SUPT3H: variants seen among roughly 807,000 people sequenced by gnomAD.
SUPT3H encodes the protein transcription initiation protein SPT3 homolog.
A neutral mutation model predicts 44.3 loss-of-function variants in SUPT3H; 44 were observed. The observed-to-expected ratio is 0.99, with a 90% CI of 0.78 to 1.28. The LOEUF is 1.28. SUPT3H is among the 50% of genes most tolerant of loss of function. The pLI is 0.00. For synonymous variants in SUPT3H, 124 were observed against 125.6 expected, an observed-to-expected ratio of 0.99 and a Z score of 0.09; for missense variants, 380 against 387.1, an observed-to-expected ratio of 0.98 and a Z score of 0.15.
intron 2 of SUPT3H, among the ~76,000 whole-genome samples, chr6:45,290,807 T>G (rs1780192874): frequency 6.6e-6 from 1 of 152,118 alleles, no homozygotes; most frequent in Non-Finnish European, 1.5e-5. Context: ...CAGTATTGTA[T>G]CACATAAGCC....
At position 45,046,358 on chromosome 6, in the gene SUPT3H, T is replaced by C. The variant is rs957626448; in HGVS notation, c.187-25726A>G. On this transcript the variant is annotated intron_variant, in intron 3 of 10. Transcript: ENST00000371459. ...TTTGTTTGTTTGTTTTGAGATGGAG[T>C]CTTACTCTGCTGCCCAGGCTGGAGT... Among the ~76,000 whole-genome samples the C allele has an allele frequency of 3.3e-5, 5 of 152,112 alleles. No homozygotes were observed. In the East Asian group the frequency reaches 9.7e-4, roughly 29 times the overall value.
At chr6:45,144,010 C>A (rs1445968049) in intron 2 of SUPT3H, among the ~76,000 whole-genome samples, 1 of 151,966 alleles carries the variant, frequency 6.6e-6, no homozygotes, top group Non-Finnish European at 1.5e-5. Flanking sequence ...AACAGAAACT[C>A]TGAACAGACA....
intron 2 of SUPT3H, among the ~76,000 whole-genome samples, chr6:45,164,208 C>A (rs1217809930): frequency 6.6e-6 from 1 of 152,074 alleles, no homozygotes; most frequent in East Asian, 1.9e-4. Flanking sequence ...GAGTTTGAAT[C>A]CCAAATCTGG....
At chr6:45,159,447 A>C (rs564406859) in intron 2 of SUPT3H, 17 of 152,280 alleles carry the variant, frequency 1.1e-4, no homozygotes, top group African/African-American at 4.1e-4. Flanking sequence ...TCCCAGAGAA[A>C]GGGTTTACGG....
intron 2 of SUPT3H, among the ~76,000 whole-genome samples, chr6:45,290,055 C>G (rs1289714520): frequency 6.6e-6 from 1 of 152,020 alleles, no homozygotes; most frequent in East Asian, 1.9e-4. Context: ...TGACACACAC[C>G]TGTAGTCCCA....
intron 11 of SUPT3H, among the ~76,000 whole-genome samples, chr6:44,821,289 C>T (rs1450033878): frequency 1.3e-5 from 2 of 152,166 alleles, no homozygotes; most frequent in African/African-American, 2.4e-5. Flanking sequence ...CGTTGAGACC[C>T]ATTTAGCTTC....
chr6:44,819,900 AAG>A (rs2153405269), intron 11 of SUPT3H, among the ~76,000 whole-genome samples: 1 of 152,358 alleles, frequency 6.6e-6, no homozygotes, highest in African/African-American at 2.4e-5. Flanking sequence ...CTGTGGTAAA[AAG>A]AAAATTTGAG....
intron 10 of SUPT3H, among the ~76,000 whole-genome samples, chr6:44,917,384 A>G (rs1767982057): frequency 6.6e-6 from 1 of 152,214 alleles, no homozygotes; most frequent in Non-Finnish European, 1.5e-5. Context: ...TATACGTACA[A>G]TATATGTACA....
At chr6:45,269,419 T>C (rs1010082982) in intron 2 of SUPT3H, among the ~76,000 whole-genome samples, 2 of 152,234 alleles carry the variant, frequency 1.3e-5, no homozygotes, top group African/African-American at 4.8e-5. Context: ...TATACCATTT[T>C]AATCATCAAA....
chr6:44,866,058 C>T (rs1775449387), intron 10 of SUPT3H, among the ~76,000 whole-genome samples: 1 of 147,730 alleles, frequency 6.8e-6, no homozygotes, highest in Non-Finnish European at 1.5e-5. Context: ...AATTAAATTA[C>T]AGAAATGTTG....
At position 44,870,480 on chromosome 6, in the gene SUPT3H, T is replaced by C. The variant is rs560634023; in HGVS notation, c.913-40623A>G. Among the ~76,000 whole-genome samples the C allele has an allele frequency of 1.1e-4, 16 of 150,978 alleles. 1 individual carries two copies. Among genetic ancestry groups the C allele is most frequent in the Non-Finnish European group, 1.9e-4 (13 of 67,824 alleles). ...GGTGTGTGGTGGTGCACACCTGTAGTCCCAGCTACTTGGGAGGCTGAGGTG... is the reference window on the plus strand; with the variant it reads ...GGTGTGTGGTGGTGCACACCTGTAGCCCCAGCTACTTGGGAGGCTGAGGTG... On this transcript the variant is annotated intron_variant, in intron 10 of 10. Transcript: ENST00000371459.
intron 5 of SUPT3H, among the ~76,000 whole-genome samples, chr6:45,011,677 T>C (rs1012709599): frequency 1.9e-4 from 29 of 152,110 alleles, no homozygotes; most frequent in African/African-American, 6.5e-4. Context: ...ACAATTATAC[T>C]ATCTCTTATA....
At chr6:45,198,290 T>C (rs1234909819) in intron 2 of SUPT3H, among the ~76,000 whole-genome samples, 1 of 151,298 alleles carries the variant, frequency 6.6e-6, no homozygotes, top group African/African-American at 2.4e-5. Flanking sequence ...CTGAGTGTCA[T>C]TTTGTATTCA....
intron 2 of SUPT3H, among the ~76,000 whole-genome samples, chr6:45,298,294 G>A (rs13209909): frequency 0.014 from 2,082 of 152,200 alleles, 34 homozygotes; most frequent in Middle Eastern, 0.037. Flanking sequence ...TTAGCAATGT[G>A]CATGAATAAG....
At chr6:45,304,350 G>A (rs2046862084) in intron 2 of SUPT3H, among the ~76,000 whole-genome samples, 1 of 152,072 alleles carries the variant, frequency 6.6e-6, no homozygotes, top group South Asian at 2.1e-4. Context: ...GCAGAGGAAT[G>A]TTACTTAATT....
chr6:45,204,250 A>AAAG (rs59918814), intron 2 of SUPT3H, among the ~76,000 whole-genome samples: 8,928 of 143,120 alleles, frequency 0.062, 763 homozygotes, highest in African/African-American at 0.19. Flanking sequence ...CCGTCTCAAA[A>AAAG]AAGAAGAAGA....
At chr6:45,082,498 T>A (rs992309743) in intron 3 of SUPT3H, among the ~76,000 whole-genome samples, 4 of 152,162 alleles carry the variant, frequency 2.6e-5, no homozygotes, top group Middle Eastern at 6.3e-3. Context: ...TCAACATATA[T>A]GTCAATAAAT....
Position 45,296,184 on chromosome 6 carries a change from C to CTATA in SUPT3H, c.101+69016_101+69017insTATA, listed in dbSNP as rs144309163. Among the ~76,000 whole-genome samples the CTATA allele has an allele frequency of 5.1e-3, 352 of 69,326 alleles. 3 individuals carry two copies. Among genetic ancestry groups the CTATA allele is most frequent in the African/African-American group, 0.015 (318 of 21,864 alleles). 45.5% of individuals were successfully genotyped at this position (69,326 alleles called of 152,430 possible). ...ATACATACATATATACATACACATA[C>CTATA]TACACACACACACACACACACACAC... On this transcript the variant is annotated intron_variant, in intron 2 of 10. Transcript: ENST00000371459.
intron 2 of SUPT3H, among the ~76,000 whole-genome samples, chr6:45,246,925 AAAGAT>A (rs1379382427): frequency 2.0e-5 from 3 of 152,222 alleles, no homozygotes; most frequent in African/African-American, 4.8e-5. Flanking sequence ...AAGAAACTAA[AAAGAT>A]AAGAAGTAAT....
Sources: allele counts gnomAD v4.1 joint callset (sites outside exome capture counted in the v4.1 genomes callset), GRCh38; gene constraint gnomAD v4.1.1; transcripts MANE v1.5; gene names NCBI Gene and HGNC (gene_info 2026-07-23, HGNC 2026-07-21).